ITPR2: variants seen among roughly 807,000 people sequenced by gnomAD.
The protein encoded by ITPR2 is inositol 1,4,5-trisphosphate receptor type 2, also known as inositol 1,4,5-trisphosphate-gated calcium channel ITPR2.
ITPR2 carries 207 observed loss-of-function variants against 317.1 expected under a neutral mutation model. The observed-to-expected ratio is 0.65, with a 90% CI of 0.58 to 0.73. ITPR2 has a LOEUF of 0.73. Among genes scored for constraint, ITPR2 ranks in the 30% least tolerant of loss-of-function variants. The probability of loss-of-function intolerance (pLI) is 0.00; values close to 1 mark genes in which losing one functional copy is unlikely to be tolerated. For synonymous variants in ITPR2, 1,156 were observed against 1,149.1 expected (o/e 1.01, Z -0.12); for missense variants, 2,613 against 3,284.0 (o/e 0.80, Z 4.99).
At chr12:26,589,938 G>A (rs1037821924) in intron 32 of ITPR2, among the ~76,000 whole-genome samples, 1 of 149,110 alleles carries the variant, frequency 6.7e-6, no homozygotes, top group Admixed American at 6.7e-5. Context: ...GTCATCTGCT[G>A]CCTGAAGTAC....
chr12:26,524,766 C>T (rs1943765366), intron 37 of ITPR2, among the ~76,000 whole-genome samples: 1 of 152,156 alleles, frequency 6.6e-6, no homozygotes, highest in Non-Finnish European at 1.5e-5. Context: ...TCTCCACCAA[C>T]ATTACAATAT....
intron 1 of ITPR2, among the ~76,000 whole-genome samples, chr12:26,816,685 C>T (rs950918207): frequency 1.1e-4 from 17 of 152,014 alleles, no homozygotes; most frequent in Admixed American, 6.6e-4. Flanking sequence ...ACTATAATTG[C>T]GGTAAGTTTT....
intron 9 of ITPR2, among the ~76,000 whole-genome samples, chr12:26,709,462 C>T (rs766785838): frequency 6.6e-6 from 1 of 152,142 alleles, no homozygotes; most frequent in African/African-American, 2.4e-5. Flanking sequence ...GAATGATTTG[C>T]TTTCTACTTC....
rs534742022 is a variant in ITPR2, at chr12:26,780,375, G to A, written c.163+9782C>T. On this transcript the variant is annotated intron_variant, in intron 2 of 56. Transcript: ENST00000381340. Reference sequence around the variant, plus strand: ...AGATATGGGTTTGCCTATCCTGCACGCAATGCTTCTGCCAAGACTACCATC... The same window carrying A: ...AGATATGGGTTTGCCTATCCTGCACACAATGCTTCTGCCAAGACTACCATC... Among the ~76,000 whole-genome samples, 15 of 152,278 alleles carry A rather than the reference G, an allele frequency of 9.9e-5. No individual in the cohort carries two copies. The South Asian group carries it at 1.2e-3, about 13-fold the overall frequency.
intron 45 of ITPR2, among the ~76,000 whole-genome samples, 169 bp downstream of exon 45, chr12:26,475,127 G>A (rs1032865223): frequency 2.0e-5 from 3 of 152,146 alleles, no homozygotes; most frequent in African/African-American, 7.2e-5. Context: ...AGCATACCTT[G>A]GGGTGCATAG....
chr12:26,663,137 T>C (rs1389843948), intron 15 of ITPR2, among the ~76,000 whole-genome samples: 1 of 152,212 alleles, frequency 6.6e-6, no homozygotes, highest in Non-Finnish European at 1.5e-5. Flanking sequence ...TAGATCTCTC[T>C]TCACAAATAC....
chr12:26,426,405 A>C (rs1307376796), intron 49 of ITPR2, among the ~76,000 whole-genome samples: 3 of 152,208 alleles, frequency 2.0e-5, no homozygotes, highest in Non-Finnish European at 4.4e-5. Flanking sequence ...AAGGCATTGA[A>C]AGTACACATT....
chr12:26,537,824 C>A (rs1944140875), intron 37 of ITPR2, among the ~76,000 whole-genome samples: 1 of 152,174 alleles, frequency 6.6e-6, no homozygotes, highest in Admixed American at 6.5e-5. Context: ...CTTCACCGAG[C>A]AATCTGCAAA....
intron 48 of ITPR2, among the ~76,000 whole-genome samples, chr12:26,428,355 T>A (rs1346003763): frequency 1.3e-5 from 2 of 152,244 alleles, no homozygotes; most frequent in Admixed American, 6.5e-5. Context: ...CAATTGTTCA[T>A]CTTTCTGTCA....
At chr12:26,710,981 T>C (rs1948633940) in intron 9 of ITPR2, among the ~76,000 whole-genome samples, 192 bp downstream of exon 9, 1 of 152,226 alleles carries the variant, frequency 6.6e-6, no homozygotes, top group Admixed American at 6.5e-5. Flanking sequence ...ATCGTTGTTG[T>C]CTTAATTTGT....
chr12:26,631,672 G>A (rs1203490391), intron 22 of ITPR2, among the ~76,000 whole-genome samples, 194 bp downstream of exon 22: 1 of 151,898 alleles, frequency 6.6e-6, no homozygotes, highest in Non-Finnish European at 1.5e-5. Flanking sequence ...TAATGGGAAT[G>A]GACAAATGTG....
At position 26,784,313 on chromosome 12, in the gene ITPR2, C is replaced by CCTCTG. The variant is rs1565762445; in HGVS notation, c.163+5843_163+5844insCAGAG. 3.7e-4 allele frequency among the ~76,000 whole-genome samples: 7 copies of CCTCTG among 18,998 alleles called. No homozygotes were observed. The East Asian group carries it at 4.8e-3, about 13-fold the overall frequency. The allele number at this position is 18,998 out of a possible 152,430, so 12.5% of individuals were successfully genotyped here. A position where few individuals can be genotyped will look rare whatever the true frequency, so the allele number is the denominator to read the frequency against. ...TCCCTCTCCCTCTCCCTCTCCCTCTCCCTCTGCCTCTCCCTCTCCCTCTCC... is the reference window on the plus strand; with the variant it reads ...TCCCTCTCCCTCTCCCTCTCCCTCTCCTCTGCCTCTGCCTCTCCCTCTCCCTCTCC... On this transcript the variant is annotated intron_variant, in intron 2 of 56. Transcript: ENST00000381340.
At chr12:26,701,809 G>A (rs377318524) in intron 9 of ITPR2, among the ~76,000 whole-genome samples, 48 of 152,252 alleles carry the variant, frequency 3.2e-4, no homozygotes, top group African/African-American at 9.9e-4. Context: ...ACTGCCATCT[G>A]GTGGAAGTTT....
chr12:26,431,212 G>C (rs1045983090), intron 48 of ITPR2, among the ~76,000 whole-genome samples: 10 of 152,104 alleles, frequency 6.6e-5, no homozygotes, highest in Non-Finnish European at 8.8e-5. Context: ...TGGAAAAAAA[G>C]AATTACACTA....
chr12:26,408,380 A>C (rs61914386), intron 52 of ITPR2, among the ~76,000 whole-genome samples: 28,530 of 152,202 alleles, frequency 0.19, 2,801 homozygotes, highest in South Asian at 0.33. Flanking sequence ...TTTAAATTTT[A>C]AGATCAAAAT....
In ITPR2 at chr12:26,715,595, T is replaced by C. The variant is rs1948725923; in HGVS notation, c.709-150A>G. The C allele has an allele frequency of 2.0e-5, 17 of 835,732 alleles. No individual in the cohort carries two copies. In the South Asian group the frequency reaches 3.2e-4, roughly 16 times the overall value. The allele number at this position is 835,732 out of a possible 1,614,324, so 51.8% of individuals were successfully genotyped here. On this transcript the variant is annotated intron_variant, in intron 7 of 56. Coordinates refer to ENST00000381340, the MANE Select transcript of ITPR2 (RefSeq NM_002223.4). ...ATGCTTATTTAAACATTTAAAAATG[T>C]GGGGGGGAAATTCAGTAAAACACTT...
chr12:26,473,993 A>G (rs536364974), intron 45 of ITPR2, among the ~76,000 whole-genome samples: 2 of 152,332 alleles, frequency 1.3e-5, no homozygotes, highest in Non-Finnish European at 2.9e-5. Context: ...AATATTTTCA[A>G]TGAGCCAGAT....
At chr12:26,372,655 A>G (rs1939220348) in intron 55 of ITPR2, among the ~76,000 whole-genome samples, 1 of 152,224 alleles carries the variant, frequency 6.6e-6, no homozygotes, top group African/African-American at 2.4e-5. Context: ...TATACATCAG[A>G]AAATAAAGTG....
At chr12:26,385,880 C>T (rs776672506) in intron 55 of ITPR2, among the ~76,000 whole-genome samples, 1 of 152,046 alleles carries the variant, frequency 6.6e-6, no homozygotes, top group South Asian at 2.1e-4. Context: ...TTCATTTGGA[C>T]TTCTCTTGTA....
Sources: gnomAD v4.1 joint callset for allele counts (sites outside exome capture counted in the v4.1 genomes callset) on GRCh38, gnomAD v4.1.1 for gene constraint, MANE v1.5 for transcripts, NCBI Gene and HGNC (gene_info 2026-07-23, HGNC 2026-07-21) for gene names.